LRP1: variants seen among roughly 807,000 people sequenced by gnomAD.
The protein encoded by LRP1 is prolow-density lipoprotein receptor-related protein 1.
LRP1 carries 51 observed loss-of-function variants against 541.5 expected under a neutral mutation model. That is an observed-to-expected ratio of 0.09 (90% confidence interval 0.08 to 0.12). LRP1 has a LOEUF of 0.12. Among genes scored for constraint, LRP1 ranks in the 10% least tolerant of loss-of-function variants. The probability of loss-of-function intolerance (pLI) is 1.00; values close to 1 mark genes in which losing one functional copy is unlikely to be tolerated. For missense variants in LRP1, 3,878 were observed against 6,376.2 expected (o/e 0.61, Z 13.34); for synonymous variants, 2,219 against 2,470.8 (o/e 0.90, Z 3.02).
At chr12:57,190,038 A>G (rs2036346316) in intron 42 of LRP1, among the ~76,000 whole-genome samples, 1 of 152,096 alleles carries the variant, frequency 6.6e-6, no homozygotes, top group African/African-American at 2.4e-5. Flanking sequence ...GGCTGTTCCC[A>G]TTGCCTCCTT....
Position 57,201,923 on chromosome 12 carries a change from TC to T in LRP1, c.10594+20del, listed in dbSNP as rs1018957192. ...AGAGTGTGGTGAGCCGAGACCCCAC[TC>T]CAGGAGGAAGACAGTCTACCTGGGT... On this transcript the variant is annotated intron_variant, in intron 67 of 88. Transcript: ENST00000243077. This position sits in a 1 kb window ranked among gnomAD's most constrained non-coding sequence, Gnocchi z 6.4. 6.2e-7 allele frequency: 1 copy of T among 1,613,318 alleles called. No homozygotes were observed. Among genetic ancestry groups the T allele is most frequent in the Non-Finnish European group, 8.5e-7 (1 of 1,179,812 alleles).
intron 6 of LRP1, chr12:57,149,896 A>G (rs1411918538): frequency 6.3e-6 from 4 of 633,522 alleles, no homozygotes; most frequent in Non-Finnish European, 1.1e-5. Flanking sequence ...CCCAGGCGAG[A>G]TCCCTGAGTA....
intron 2 of LRP1, among the ~76,000 whole-genome samples, chr12:57,138,805 C>T (rs539237079): frequency 4.6e-5 from 7 of 152,226 alleles, no homozygotes; most frequent in African/African-American, 1.4e-4. Context: ...CCCTCAAGTG[C>T]TGCACCCCAA....
Position 57,189,951 on chromosome 12 carries a change from G to A in LRP1, c.7032-854G>A, listed in dbSNP as rs1299782208. 6.6e-6 allele frequency among the ~76,000 whole-genome samples: 1 copy of A among 152,154 alleles called. No homozygotes were observed. Among genetic ancestry groups the A allele is most frequent in the African/African-American group, 2.4e-5 (1 of 41,412 alleles). On this transcript the variant is annotated intron_variant, in intron 42 of 88. Coordinates refer to ENST00000243077, the MANE Select transcript of LRP1 (RefSeq NM_002332.3). This position sits in a 1 kb window ranked among gnomAD's most constrained non-coding sequence, Gnocchi z 4.4. Reference sequence around the variant, plus strand: ...CTCTGTCACACCCAGGGTAGTGCATGACCAGCCCTGAGGCCTTCCACAGCC... The same window carrying A: ...CTCTGTCACACCCAGGGTAGTGCATAACCAGCCCTGAGGCCTTCCACAGCC...
rs1024380641 is a variant in LRP1 at position 57,204,817 on chromosome 12, G to T, written c.11194+68G>T. On this transcript the variant is annotated intron_variant, in intron 72 of 88. Coordinates refer to ENST00000243077, the MANE Select transcript of LRP1 (RefSeq NM_002332.3). The surrounding 1 kb of genome is among the most constrained non-coding windows in gnomAD (Gnocchi z 5.3). Reference sequence around the variant, plus strand: ...GCACAGTGGGGTGAGTCTGGTCCTCGTGGGAGCTGCACTGGGGTTAGGGTT... The same window carrying T: ...GCACAGTGGGGTGAGTCTGGTCCTCTTGGGAGCTGCACTGGGGTTAGGGTT... The T allele has an allele frequency of 1.0e-5, 16 of 1,595,694 alleles. No homozygotes were observed. Among genetic ancestry groups the T allele is most frequent in the Non-Finnish European group, 1.4e-5 (16 of 1,166,868 alleles).
chr12:57,146,081 A>G (rs2035400436), intron 6 of LRP1, among the ~76,000 whole-genome samples: 1 of 152,116 alleles, frequency 6.6e-6, no homozygotes, highest in African/African-American at 2.4e-5. Flanking sequence ...GCTTCCATTC[A>G]GGCTTCTCCC....
At chr12:57,195,633 G>T (rs760854334) in intron 52 of LRP1, 25 bp from the exon 53 acceptor site, 1 of 1,613,964 alleles carries the variant, frequency 6.2e-7, no homozygotes, top group East Asian at 2.2e-5. Context: ...CAGGGCTGAA[G>T]GGCTGTGTCC....
In LRP1 at chr12:57,200,826, G is replaced by GACCCCC; in HGVS notation, c.10225+11_10225+12insACCCCC. On this transcript the variant is annotated intron_variant, in intron 64 of 88. Coordinates refer to ENST00000243077, the MANE Select transcript of LRP1 (RefSeq NM_002332.3). ...ACGAGGCCAACTGTGGTAAGGCGCTGCCCGCCCACCCTCCCTCCTTCCCCA... is the reference window on the plus strand; with the variant it reads ...ACGAGGCCAACTGTGGTAAGGCGCTGACCCCCCCCGCCCACCCTCCCTCCTTCCCCA... 1.3e-5 allele frequency: 21 copies of GACCCCC among 1,581,430 alleles called. No homozygotes were observed. Among genetic ancestry groups the GACCCCC allele is most frequent in the South Asian group, 1.0e-4 (9 of 89,996 alleles).
At chr12:57,174,349 C>G (rs949947606) in intron 22 of LRP1, among the ~76,000 whole-genome samples, 4 of 152,178 alleles carry the variant, frequency 2.6e-5, no homozygotes, top group Admixed American at 2.6e-4. Context: ...ACATGCATAC[C>G]ACAGAGAGAT....
At position 57,145,446 on chromosome 12, in the gene LRP1, G is replaced by C. The variant is rs368620750; in HGVS notation, c.797G>C (p.Gly266Ala). The C allele has an allele frequency of 7.4e-6, 12 of 1,613,976 alleles. No homozygotes were observed. The African/African-American group carries it at 1.5e-4, about 20-fold the overall frequency. Reference protein sequence around the residue: ...LKCARMPGLKGFVDEHTINIS... With the variant: ...LKCARMPGLKAFVDEHTINIS... Reference sequence around the variant, plus strand: ...TGTGCCCGCATGCCTGGCCTAAAGGGCTTCGTGGATGAGCACACCATCAAC... The same window carrying C: ...TGTGCCCGCATGCCTGGCCTAAAGGCCTTCGTGGATGAGCACACCATCAAC... The change falls in exon 6 of 89, where the codon GGC becomes GCC. Residue 266 changes from glycine to alanine, a missense_variant. Gly to Ala is a moderately conservative substitution (Grantham distance 60). This residue lies in a region of LRP1 where 293 missense variants were observed against 403.7 expected (regional missense o/e 0.73). Transcript: ENST00000243077.
In LRP1 at chr12:57,196,953, G is replaced by A. The variant is rs776618650; in HGVS notation, c.8893-29G>A. ...GTGGGAGGCCCAGACCCTGCCACAT[G>A]CCCAGCCCAAGGCTCCCTGTGCCTG... On this transcript the variant is annotated intron_variant, in intron 55 of 88. Coordinates refer to ENST00000243077, the MANE Select transcript of LRP1 (RefSeq NM_002332.3). 18 of 1,587,674 alleles carry A rather than the reference G, an allele frequency of 1.1e-5. No homozygotes were observed. The Middle Eastern group carries it at 1.1e-3, about 98-fold the overall frequency.
Position 57,158,313 on chromosome 12 carries a change from A to T in LRP1, c.1562-89A>T. The T allele has an allele frequency of 9.7e-7, 1 of 1,036,018 alleles. No homozygotes were observed. Among genetic ancestry groups the T allele is most frequent in the Non-Finnish European group, 1.5e-6 (1 of 689,022 alleles). The allele number at this position is 1,036,018 out of a possible 1,614,324, so 64.2% of individuals were successfully genotyped here. On this transcript the variant is annotated intron_variant, in intron 10 of 88. Coordinates refer to ENST00000243077, the MANE Select transcript of LRP1 (RefSeq NM_002332.3). This position sits in a 1 kb window ranked among gnomAD's most constrained non-coding sequence, Gnocchi z 5.3. ...TAACGTCTCCTGACCCATCACAGCT[A>T]GGGCATTGCAGCCCCTTGGCCGCAG...
At chr12:57,149,898 C>A (rs2035493806) in intron 6 of LRP1, 2 of 632,730 alleles carry the variant, frequency 3.2e-6, no homozygotes, top group Admixed American at 2.4e-5. Flanking sequence ...CAGGCGAGAT[C>A]CCTGAGTAGG....
At position 57,210,701 on chromosome 12, in the gene LRP1, A is replaced by G. The variant is rs748014768; in HGVS notation, c.12755-17A>G. 13 of 1,600,934 alleles carry G rather than the reference A, an allele frequency of 8.1e-6. 1 individual carries two copies. The South Asian group carries it at 1.4e-4, about 18-fold the overall frequency. On this transcript the variant is annotated splice_polypyrimidine_tract_variant and intron_variant, in intron 82 of 88. Coordinates refer to ENST00000243077, the MANE Select transcript of LRP1 (RefSeq NM_002332.3). ...TCTCGAGGGCCACAGTCGCGCTCAC[A>G]CATCCTCTCCCACCAGGCATGCCCA...
At chr12:57,199,516 G>A in intron 61 of LRP1, 116 bp downstream of exon 61, 3 of 1,146,206 alleles carry the variant, frequency 2.6e-6, no homozygotes, top group South Asian at 3.0e-5. Flanking sequence ...GACACTGGGA[G>A]ACTCCAGGAG....
Position 57,165,153 on chromosome 12 carries a change from T to C in LRP1, c.2531-652T>C, listed in dbSNP as rs1487442630. ...GGGGAAATCGCCACCCATGGGGCCA[T>C]GGGAAGTTTCAGAGATTAGAGAGGG... On this transcript the variant is annotated intron_variant, in intron 15 of 88. Transcript: ENST00000243077. This position sits in a 1 kb window ranked among gnomAD's most constrained non-coding sequence, Gnocchi z 4.5. 1 of 152,214 alleles carries C rather than the reference T, an allele frequency of 6.6e-6. No homozygotes were observed. The highest frequency in any genetic ancestry group is 1.5e-5 in the Non-Finnish European group (1 of 68,238). The allele number at this position is 152,214 out of a possible 1,614,324, so 9.4% of individuals were successfully genotyped here.
intron 8 of LRP1, chr12:57,155,707 G>A: frequency 5.8e-6 from 1 of 171,408 alleles, no homozygotes; most frequent in Non-Finnish European, 1.3e-5. Context: ...CCAGCACTTT[G>A]GGAGGCTGAG....
Position 57,199,490 on chromosome 12 carries a change from C to T in LRP1, c.9865+90C>T. The T allele has an allele frequency of 1.0e-5, 14 of 1,393,152 alleles. No individual in the cohort carries two copies. In the South Asian group the frequency reaches 1.8e-4, roughly 18 times the overall value. 86.3% of individuals were successfully genotyped at this position (1,393,152 alleles called of 1,614,324 possible). The stretch of plus-strand genomic sequence containing the variant: ...TGCTCATCCCTTCTCTAGCATTGAC[C>T]AAGCCCTCCTGGCCAGACACTGGGA... On this transcript the variant is annotated intron_variant, in intron 61 of 88. Coordinates refer to ENST00000243077, the MANE Select transcript of LRP1 (RefSeq NM_002332.3).
intron 12 of LRP1, among the ~76,000 whole-genome samples, chr12:57,160,237 T>A (rs984108463): frequency 1.3e-5 from 2 of 151,978 alleles, no homozygotes; most frequent in African/African-American, 4.8e-5. Flanking sequence ...TTCCACCAGC[T>A]CCCCTTACCC....
Sources: gnomAD v4.1 joint callset for allele counts (sites outside exome capture counted in the v4.1 genomes callset) on GRCh38, gnomAD v4.1.1 for gene constraint, gnomAD v4.1.1 regional missense constraint, Gnocchi (gnomAD v3.1) non-coding constraint, MANE v1.5 for transcripts, NCBI Gene and HGNC (gene_info 2026-07-23, HGNC 2026-07-21) for gene names.